Variants in CORIN observed in about 807,000 individuals in gnomAD.
CORIN encodes the protein corin, serine peptidase.
A neutral mutation model predicts 125.3 loss-of-function variants in CORIN; 117 were observed. That is an observed-to-expected ratio of 0.93 (90% CI 0.80 to 1.09). CORIN has a LOEUF of 1.09. Ranked by LOEUF, CORIN falls within the 50% of genes least tolerant of loss-of-function variation. CORIN has a pLI of 0.00. For missense variants in CORIN, 1,253 were observed against 1,306.7 expected (o/e 0.96, Z 0.63); for synonymous variants, 450 against 466.4 (o/e 0.96, Z 0.45).
intron 3 of CORIN, among the ~76,000 whole-genome samples, chr4:47,772,704 A>C (rs1407323725): frequency 6.6e-6 from 1 of 152,222 alleles, no homozygotes; most frequent in Non-Finnish European, 1.5e-5. Context: ...ATAACTGTGT[A>C]ATAGGTTTAT....
At chr4:47,618,828 AAAAG>A (rs1164277073) in intron 19 of CORIN, among the ~76,000 whole-genome samples, 2 of 151,630 alleles carry the variant, frequency 1.3e-5, no homozygotes, top group South Asian at 2.1e-4. Context: ...ACAAAAAAAA[AAAAG>A]AAAGAAAAAG....
At chr4:47,803,605 A>G (rs532026238) in intron 2 of CORIN, among the ~76,000 whole-genome samples, 96 of 152,388 alleles carry the variant, frequency 6.3e-4, no homozygotes, top group African/African-American at 2.2e-3. Flanking sequence ...TACATTGCGG[A>G]AAGAACAGTC....
At chr4:47,750,276 C>T (rs773987599) in intron 4 of CORIN, among the ~76,000 whole-genome samples, 2 of 152,050 alleles carry the variant, frequency 1.3e-5, no homozygotes, top group South Asian at 2.1e-4. Flanking sequence ...GGATGGACAG[C>T]GGTGCAAGGG....
At chr4:47,620,675 A>G (rs1202615976) in intron 19 of CORIN, among the ~76,000 whole-genome samples, 1 of 152,288 alleles carries the variant, frequency 6.6e-6, no homozygotes, top group East Asian at 1.9e-4. Flanking sequence ...TGCAGAATGC[A>G]TGATTTTAGC....
chr4:47,639,072 G>C lies in CORIN; in HGVS notation c.2198+2848C>G, dbSNP rs182466670. Among the ~76,000 whole-genome samples the C allele has an allele frequency of 2.2e-3, 334 of 152,232 alleles. 3 individuals carry two copies. Among genetic ancestry groups the C allele is most frequent in the Non-Finnish European group, 5.6e-4 (38 of 68,002 alleles). On this transcript the variant is annotated intron_variant, in intron 16 of 21. Coordinates refer to ENST00000273857, the MANE Select transcript of CORIN (RefSeq NM_006587.4). The stretch of plus-strand genomic sequence containing the variant: ...TGAAATTTGGGAGACCTGCATTCTT[G>C]ATAAATTCCCTCCAAAATATACCCC...
intron 5 of CORIN, among the ~76,000 whole-genome samples, chr4:47,696,430 ATTC>A (rs149673449): frequency 7.2e-5 from 11 of 152,322 alleles, no homozygotes; most frequent in Non-Finnish European, 1.0e-4. Flanking sequence ...GCAAAGTACT[ATTC>A]TAGCCTCTGG....
At chr4:47,689,402 C>T (rs1048167612) in intron 6 of CORIN, among the ~76,000 whole-genome samples, 2 of 152,014 alleles carry the variant, frequency 1.3e-5, no homozygotes, top group African/African-American at 2.4e-5. Flanking sequence ...ATGGTAAGAT[C>T]GAAACCTAAG....
In CORIN at chr4:47,739,712, CATAA is replaced by C. The variant is rs762713365; in HGVS notation, c.799+4686_799+4689del. On this transcript the variant is annotated intron_variant, in intron 5 of 21. Coordinates refer to ENST00000273857, the MANE Select transcript of CORIN (RefSeq NM_006587.4). ...CCTATCTGATTCTTAAAAACAACTGCATAAATAATTTATAATCATAATCAATAAA... is the reference window on the plus strand; with the variant it reads ...CCTATCTGATTCTTAAAAACAACTGCATAATTTATAATCATAATCAATAAA... Among the ~76,000 whole-genome samples the C allele has an allele frequency of 8.6e-5, 13 of 151,854 alleles. No individual in the cohort carries two copies. In the East Asian group the frequency reaches 2.3e-3, roughly 27 times the overall value.
At position 47,730,662 on chromosome 4, in the gene CORIN, T is replaced by C. The variant is rs530796036; in HGVS notation, c.799+13740A>G. Among the ~76,000 whole-genome samples, 13 of 152,230 alleles carry C rather than the reference T, an allele frequency of 8.5e-5. No individual in the cohort carries two copies. In the South Asian group the frequency reaches 2.7e-3, roughly 32 times the overall value. On this transcript the variant is annotated intron_variant, in intron 5 of 21. Coordinates refer to ENST00000273857, the MANE Select transcript of CORIN (RefSeq NM_006587.4). ...CCACACAGGAGACACCCCTGTTGCA[T>C]GTGCTGAGAGGGGAATCAGGGAACT...
chr4:47,811,140 T>A (rs1165497799), intron 1 of CORIN, among the ~76,000 whole-genome samples: 1 of 152,204 alleles, frequency 6.6e-6, no homozygotes, highest in Non-Finnish European at 1.5e-5. Flanking sequence ...CCTATATTTA[T>A]CCATGCACTC....
intron 13 of CORIN, among the ~76,000 whole-genome samples, chr4:47,648,049 C>CA (rs1473647518): frequency 1.3e-5 from 2 of 151,942 alleles, no homozygotes; most frequent in African/African-American, 4.8e-5. Context: ...ACAGTGAGCA[C>CA]AAAAGAAGTA....
chr4:47,623,080 C>CTCTCTCTCTCTCTCTA (rs1722388184), intron 19 of CORIN, among the ~76,000 whole-genome samples: 2 of 108,668 alleles, frequency 1.8e-5, no homozygotes, highest in African/African-American at 8.1e-5. Flanking sequence ...CTCTCTCTCT[C>CTCTCTCTCTCTCTCTA]TCTCTCTCTC....
rs147545066 is a variant in CORIN, at chr4:47,751,150, T to C, written c.618-6567A>G. Among the ~76,000 whole-genome samples the C allele has an allele frequency of 7.2e-5, 11 of 152,332 alleles. No homozygotes were observed. In the East Asian group the frequency reaches 9.6e-4, roughly 13 times the overall value. ...CATCTACTACAGAAGGAAAGCTGTT[T>C]TCATTTCCACTCAAAAGAAAATTAC... On this transcript the variant is annotated intron_variant, in intron 4 of 21. Coordinates refer to ENST00000273857, the MANE Select transcript of CORIN (RefSeq NM_006587.4).
intron 5 of CORIN, among the ~76,000 whole-genome samples, chr4:47,710,766 G>A (rs1321630499): frequency 2.0e-5 from 3 of 152,188 alleles, no homozygotes; most frequent in African/African-American, 7.2e-5. Flanking sequence ...ACAAGCATGG[G>A]CTTTGGGTAG....
At position 47,697,583 on chromosome 4, in the gene CORIN, A is replaced by G. The variant is rs181072410; in HGVS notation, c.800-4500T>C. On this transcript the variant is annotated intron_variant, in intron 5 of 21. Transcript: ENST00000273857. Reference sequence around the variant, plus strand: ...ACAAAAATTAGCTGGGCATAGAGACATGTACCTGTAATCTCAGCTACCCAG... The same window carrying G: ...ACAAAAATTAGCTGGGCATAGAGACGTGTACCTGTAATCTCAGCTACCCAG... Among the ~76,000 whole-genome samples the G allele has an allele frequency of 1.2e-3, 187 of 152,172 alleles. No individual in the cohort carries two copies. The Middle Eastern group carries it at 0.014, about 11-fold the overall frequency.
intron 21 of CORIN, among the ~76,000 whole-genome samples, chr4:47,599,241 G>A (rs1417723199): frequency 6.6e-6 from 1 of 152,064 alleles, no homozygotes; most frequent in East Asian, 1.9e-4. Flanking sequence ...AAAGGAGGGT[G>A]GTCTCAGCGA....
intron 5 of CORIN, among the ~76,000 whole-genome samples, chr4:47,701,896 A>G (rs1290886996): frequency 3.9e-5 from 6 of 152,168 alleles, no homozygotes; most frequent in Admixed American, 3.9e-4. Flanking sequence ...AACAAGATGT[A>G]CATCATGATT....
intron 5 of CORIN, among the ~76,000 whole-genome samples, chr4:47,737,657 GA>G (rs1728193566): frequency 6.6e-6 from 1 of 152,206 alleles, no homozygotes; most frequent in African/African-American, 2.4e-5. Flanking sequence ...CACAAAGGCT[GA>G]AGCTTAATAA....
chr4:47,669,929 C>A (rs1577806196), intron 10 of CORIN, among the ~76,000 whole-genome samples: 1 of 152,274 alleles, frequency 6.6e-6, no homozygotes, highest in East Asian at 1.9e-4. Flanking sequence ...TAGGCTTGCC[C>A]ATTTTTTGAA....
Sources: gnomAD v4.1 joint callset for allele counts (sites outside exome capture counted in the v4.1 genomes callset) on GRCh38, gnomAD v4.1.1 for gene constraint, MANE v1.5 for transcripts, NCBI Gene and HGNC (gene_info 2026-07-23, HGNC 2026-07-21) for gene names.